The following PLOD1 variants were observed in gnomAD, a reference collection of about 807,000 sequenced individuals.
The protein encoded by PLOD1 is lysine hydroxylase.
Under a neutral mutation model 94.7 loss-of-function variants are expected in PLOD1, and 70 were observed. The ratio of observed to expected loss-of-function variants is 0.74; its 90% CI spans 0.61 to 0.90. The LOEUF (loss-of-function observed/expected upper bound fraction) is 0.90, where lower values mean the gene tolerates loss of function less well. Among genes scored for constraint, PLOD1 ranks in the 40% least tolerant of loss-of-function variants. The probability of loss-of-function intolerance (pLI) is 0.00; values close to 1 mark genes in which losing one functional copy is unlikely to be tolerated. For synonymous variants in PLOD1, 417 were observed against 400.2 expected (o/e 1.04, Z -0.50); for missense variants, 905 against 972.7 (o/e 0.93, Z 0.93).
rs142400475 is a variant in PLOD1 at position 11,942,804 on chromosome 1, C to T, written c.77-5172C>T. Among the ~76,000 whole-genome samples the T allele has an allele frequency of 2.6e-4, 40 of 152,196 alleles. 1 individual carries two copies. The highest frequency in any genetic ancestry group is 8.9e-4 in the African/African-American group (37 of 41,510). On this transcript the variant is annotated intron_variant, in intron 1 of 18. Coordinates refer to ENST00000196061, the MANE Select transcript of PLOD1 (RefSeq NM_000302.4). ...GTAGGAAAAATCCAGACTCCTGGGCCCACCTCAGACCCCTAGCCCTGGGGC... is the reference window on the plus strand; with the variant it reads ...GTAGGAAAAATCCAGACTCCTGGGCTCACCTCAGACCCCTAGCCCTGGGGC...
intron 18 of PLOD1, 32 bp from the exon 19 acceptor site, chr1:11,974,621 G>T: frequency 6.2e-7 from 1 of 1,604,232 alleles, no homozygotes. Context: ...GGGGGCGGTG[G>T]GGAAAGGCCA....
At chr1:11,967,116 G>A (rs1557498071) in intron 16 of PLOD1, 25 bp downstream of exon 16, 3 of 1,467,588 alleles carry the variant, frequency 2.0e-6, no homozygotes, top group Non-Finnish European at 1.9e-6. Context: ...CCTGGGCTGG[G>A]GCCGCAGGGA....
At chr1:11,938,653 AC>A (rs1645595954) in intron 1 of PLOD1, among the ~76,000 whole-genome samples, 2 of 151,954 alleles carry the variant, frequency 1.3e-5, no homozygotes, top group Admixed American at 1.3e-4. Flanking sequence ...GGAGGCAGCT[AC>A]TGAGGTGGAT....
chr1:11,945,478 T>C (rs1569677063), intron 1 of PLOD1, among the ~76,000 whole-genome samples: 2 of 150,984 alleles, frequency 1.3e-5, no homozygotes, highest in Admixed American at 1.3e-4. Flanking sequence ...GAGGGAGCCA[T>C]GGTCCCTTGC....
chr1:11,953,097 C>T (rs901482683), intron 5 of PLOD1, among the ~76,000 whole-genome samples: 1 of 151,982 alleles, frequency 6.6e-6, no homozygotes, highest in Non-Finnish European at 1.5e-5. Flanking sequence ...ACTGTATTGC[C>T]CAGGCTAGAG....
At position 11,973,012 on chromosome 1, in the gene PLOD1, G is replaced by T. The variant is rs750863191; in HGVS notation, c.2028+15G>T. ...TGGATTACGAGGTGAGCAGGAGCCA[G>T]CCGGGGTCAAGGGGCCGGCAATGGG... On this transcript the variant is annotated intron_variant, in intron 18 of 18. Transcript: ENST00000196061. The T allele has an allele frequency of 1.2e-6, 2 of 1,613,730 alleles. No homozygotes were observed. Among genetic ancestry groups the T allele is most frequent in the African/African-American group, 2.7e-5 (2 of 75,040 alleles).
At chr1:11,967,569 T>A (rs113930029) in intron 16 of PLOD1, among the ~76,000 whole-genome samples, 1 of 112,086 alleles carries the variant, frequency 8.9e-6, no homozygotes, top group Non-Finnish European at 1.8e-5. Flanking sequence ...GGTACCATTT[T>A]TTTTTTTCTT....
Position 11,937,143 on chromosome 1 carries a change from C to T in PLOD1, c.76+2288C>T, listed in dbSNP as rs189828487. 8.0e-3 allele frequency among the ~76,000 whole-genome samples: 1,216 copies of T among 152,326 alleles called. 12 individuals carry two copies. The highest frequency in any genetic ancestry group is 0.028 in the African/African-American group (1,145 of 41,570). ...GATTACAGGCGTGAGCCACCGCGCC[C>T]GGCCAGGAACTGCCATTTCTTGAGT... On this transcript the variant is annotated intron_variant, in intron 1 of 18. Coordinates refer to ENST00000196061, the MANE Select transcript of PLOD1 (RefSeq NM_000302.4).
chr1:11,951,598 TTA>T (rs1173519680), intron 4 of PLOD1, among the ~76,000 whole-genome samples: 2 of 145,462 alleles, frequency 1.4e-5, no homozygotes, highest in African/African-American at 5.0e-5. Flanking sequence ...GTAAAATATA[TTA>T]TATATATTAT....
rs1296517093 is a variant in PLOD1 at position 11,950,007 on chromosome 1, C to G, written c.302+101C>G. 5 of 1,259,266 alleles carry G rather than the reference C, an allele frequency of 4.0e-6. No individual in the cohort carries two copies. In the African/African-American group the frequency reaches 7.4e-5, roughly 19 times the overall value. The allele number at this position is 1,259,266 out of a possible 1,614,324, so 78.0% of individuals were successfully genotyped here. On this transcript the variant is annotated intron_variant, in intron 3 of 18. Coordinates refer to ENST00000196061, the MANE Select transcript of PLOD1 (RefSeq NM_000302.4). ...GAACATCGGGGAAGAAGGGGGACCACTCTAGCTAAGGTTGCCTAGTTTTAG... is the reference window on the plus strand; with the variant it reads ...GAACATCGGGGAAGAAGGGGGACCAGTCTAGCTAAGGTTGCCTAGTTTTAG...
chr1:11,962,497 C>T (rs901083849), intron 10 of PLOD1, among the ~76,000 whole-genome samples: 6 of 149,600 alleles, frequency 4.0e-5, no homozygotes, highest in Non-Finnish European at 4.5e-5. Flanking sequence ...AGGATGGTCT[C>T]GATCTCCTGA....
chr1:11,944,419 G>GCGTACACA (rs985097095), intron 1 of PLOD1: 2 of 352,054 alleles, frequency 5.7e-6, no homozygotes, highest in Non-Finnish European at 8.7e-6. Context: ...GCGCATGCAC[G>GCGTACACA]CGTACACACA....
At chr1:11,947,829 T>C in intron 1 of PLOD1, 147 bp from the exon 2 acceptor site, 1 of 668,802 alleles carries the variant, frequency 1.5e-6, no homozygotes, top group Non-Finnish European at 2.8e-6. Context: ...TGCTCTATCA[T>C]CCTTTCTTCC....
At chr1:11,945,987 G>C (rs1645652083) in intron 1 of PLOD1, among the ~76,000 whole-genome samples, 1 of 152,162 alleles carries the variant, frequency 6.6e-6, no homozygotes, top group Non-Finnish European at 1.5e-5. Flanking sequence ...GGGATTACCG[G>C]TGTGAGCCAC....
chr1:11,959,338 G>A (rs1264729718), intron 9 of PLOD1, among the ~76,000 whole-genome samples: 1 of 152,152 alleles, frequency 6.6e-6, no homozygotes, highest in Middle Eastern at 3.4e-3. Context: ...TGCACAGGAC[G>A]CATCTAGTTG....
At chr1:11,969,069 G>T (rs1042347033) in intron 16 of PLOD1, among the ~76,000 whole-genome samples, 8 of 146,738 alleles carry the variant, frequency 5.5e-5, no homozygotes, top group African/African-American at 2.0e-4. Context: ...CGTCACCCAG[G>T]TGGAGTGCAA....
chr1:11,957,208 G>C lies in PLOD1; in HGVS notation c.741+194G>C, dbSNP rs771693632. Reference sequence around the variant, plus strand: ...CTGCTGTGGTGGTCAGTGGTACTCTGTCTGTTCTTGCTGGTCACAGGACAC... The same window carrying C: ...CTGCTGTGGTGGTCAGTGGTACTCTCTCTGTTCTTGCTGGTCACAGGACAC... On this transcript the variant is annotated intron_variant, in intron 7 of 18. Coordinates refer to ENST00000196061, the MANE Select transcript of PLOD1 (RefSeq NM_000302.4). This position sits in a 1 kb window ranked among gnomAD's most constrained non-coding sequence, Gnocchi z 4.1. The C allele has an allele frequency of 4.0e-6, 3 of 754,682 alleles. No individual in the cohort carries two copies. The highest frequency in any genetic ancestry group is 3.4e-5 in the Admixed American group (2 of 58,144). 46.7% of individuals were successfully genotyped at this position (754,682 alleles called of 1,614,324 possible). A position where few individuals can be genotyped will look rare whatever the true frequency, so the allele number is the denominator to read the frequency against.
At chr1:11,965,107 C>G (rs996117308) in intron 13 of PLOD1, among the ~76,000 whole-genome samples, 1 of 151,774 alleles carries the variant, frequency 6.6e-6, no homozygotes, top group African/African-American at 2.4e-5. Context: ...GCCCGAGAGA[C>G]ACCTCACCCT....
chr1:11,948,745 A>G (rs1198855113), intron 2 of PLOD1, among the ~76,000 whole-genome samples: 1 of 151,998 alleles, frequency 6.6e-6, no homozygotes, highest in South Asian at 2.1e-4. Context: ...AAAAAAAGAA[A>G]ATAAAAGAAA....
Sources: gnomAD v4.1 joint callset for allele counts (sites outside exome capture counted in the v4.1 genomes callset) on GRCh38, gnomAD v4.1.1 for gene constraint, Gnocchi (gnomAD v3.1) non-coding constraint, MANE v1.5 for transcripts, NCBI Gene and HGNC (gene_info 2026-07-23, HGNC 2026-07-21) for gene names.